The following MMS22L variants were observed in gnomAD, a reference collection of about 807,000 sequenced individuals.
MMS22L encodes MMS22 like, DNA repair protein.
In MMS22L, 74 loss-of-function variants were observed where a neutral mutation model predicts 159.1. The observed-to-expected ratio is 0.47, with a 90% CI of 0.39 to 0.56. The LOEUF is 0.56. MMS22L is among the 20% of genes least tolerant of loss of function. MMS22L has a pLI of 0.00. For missense variants in MMS22L, 1,351 were observed against 1,422.1 expected (o/e 0.95, Z 0.80); for synonymous variants, 517 against 506.9 (o/e 1.02, Z -0.27).
chr6:97,165,597 C>A (rs1230388929), intron 20 of MMS22L, 140 bp from the exon 21 acceptor site: 2 of 714,578 alleles, frequency 2.8e-6, no homozygotes, highest in African/African-American at 1.8e-5. Context: ...ACGTAATCCA[C>A]AGATAATGTA....
At chr6:97,239,371 A>T (rs2128021738) in intron 11 of MMS22L, among the ~76,000 whole-genome samples, 1 of 152,342 alleles carries the variant, frequency 6.6e-6, no homozygotes. Context: ...GAGGCTTTTA[A>T]AAAGCAGGCA....
At chr6:97,177,319 C>T (rs1804227033) in intron 18 of MMS22L, among the ~76,000 whole-genome samples, 1 of 152,102 alleles carries the variant, frequency 6.6e-6, no homozygotes, top group Non-Finnish European at 1.5e-5. Context: ...CCAACTGGCA[C>T]TTAGCATATA....
At chr6:97,171,944 C>A (rs1204774967) in intron 19 of MMS22L, among the ~76,000 whole-genome samples, 4 of 152,152 alleles carry the variant, frequency 2.6e-5, no homozygotes, top group African/African-American at 9.7e-5. Context: ...ATATACTCTT[C>A]CTAGTCTTTG....
At chr6:97,165,212 G>C (rs559116031) in intron 21 of MMS22L, 34 bp downstream of exon 21, 2 of 1,572,758 alleles carry the variant, frequency 1.3e-6, no homozygotes, top group African/African-American at 2.7e-5. Context: ...TTAATAATTT[G>C]TACATACCAC....
chr6:97,228,483 G>C (rs919793872), intron 14 of MMS22L, among the ~76,000 whole-genome samples: 1 of 152,198 alleles, frequency 6.6e-6, no homozygotes, highest in Non-Finnish European at 1.5e-5. Flanking sequence ...CTGGCCTCAT[G>C]GGATGGGTTG....
rs1055434812 is a variant in MMS22L at position 97,168,019 on chromosome 6, C to T, written c.3009+52G>A. 2.1e-6 allele frequency: 3 copies of T among 1,435,652 alleles called. No individual in the cohort carries two copies. The African/African-American group carries it at 4.4e-5, about 21-fold the overall frequency. 88.9% of individuals were successfully genotyped at this position (1,435,652 alleles called of 1,614,324 possible). ...CATTTAGTAAACTATGTTTTTAAGG[C>T]AAAGTTTCAATATTTTTTTTTTAAA... On this transcript the variant is annotated intron_variant, in intron 20 of 24. Coordinates refer to ENST00000683635, the MANE Select transcript of MMS22L (RefSeq NM_001350599.2).
At chr6:97,200,716 C>T (rs576030828) in intron 14 of MMS22L, among the ~76,000 whole-genome samples, 29 of 152,082 alleles carry the variant, frequency 1.9e-4, no homozygotes, top group Admixed American at 1.8e-3. Flanking sequence ...AAAAAGATCA[C>T]CGATTCAGTA....
chr6:97,186,645 C>G lies in MMS22L; in HGVS notation c.2085G>C (p.Val695=), dbSNP rs760524272. The G allele has an allele frequency of 1.9e-6, 3 of 1,587,362 alleles. No individual in the cohort carries two copies. In the East Asian group the frequency reaches 6.9e-5, roughly 37 times the overall value. ...ATAATGAAGACTGTACAAATAGGTC[C>G]ACATTGTCCCTTTGAAGTTCCTGAC... ...QLCQELQRDN[V]DLFVQSSLSA... Residue 695 remains valine (V), a synonymous_variant, in exon 15 of 25, where the codon GTG becomes GTC. Transcript: ENST00000683635.
chr6:97,195,400 A>G (rs1478442546), intron 14 of MMS22L, among the ~76,000 whole-genome samples: 1 of 152,254 alleles, frequency 6.6e-6, no homozygotes, highest in East Asian at 1.9e-4. Flanking sequence ...AAGCCAGAAA[A>G]GCAGAAGTGT....
rs541781632 is a variant in MMS22L, at chr6:97,226,325, T to C, written c.2039+2569A>G. On this transcript the variant is annotated intron_variant, in intron 14 of 24. Coordinates refer to ENST00000683635, the MANE Select transcript of MMS22L (RefSeq NM_001350599.2). ...GTTTTAAATATACGGCTGGGCACAG[T>C]GGCTCATGCCTGTAATCCCAGCATT... is the stretch of plus-strand genomic sequence containing the variant. Among the ~76,000 whole-genome samples, 91 of 152,340 alleles carry C rather than the reference T, an allele frequency of 6.0e-4. No individual in the cohort carries two copies. The South Asian group carries it at 7.9e-3, about 13-fold the overall frequency.
chr6:97,181,794 G>T, intron 16 of MMS22L, 110 bp downstream of exon 16: 1 of 1,079,364 alleles, frequency 9.3e-7, no homozygotes. Flanking sequence ...GACAAAGTGA[G>T]AGTATATGTA....
chr6:97,227,468 T>C (rs781568263), intron 14 of MMS22L, among the ~76,000 whole-genome samples: 7 of 152,138 alleles, frequency 4.6e-5, no homozygotes, highest in Non-Finnish European at 1.0e-4. Flanking sequence ...ATTGGAAACA[T>C]AAAAATTTCT....
intron 11 of MMS22L, chr6:97,245,924 T>C (rs1051540165): frequency 7.9e-6 from 2 of 253,720 alleles, no homozygotes; most frequent in Non-Finnish European, 1.6e-5. Flanking sequence ...ATATTTTTTA[T>C]TCCTCTTCAA....
chr6:97,263,057 G>A (rs929455826), intron 9 of MMS22L, among the ~76,000 whole-genome samples: 7 of 151,886 alleles, frequency 4.6e-5, no homozygotes, highest in African/African-American at 1.5e-4. Context: ...AAATACCTTA[G>A]TCTGAAAGAT....
At chr6:97,180,777 G>T (rs1804626285) in intron 16 of MMS22L, among the ~76,000 whole-genome samples, 1 of 152,092 alleles carries the variant, frequency 6.6e-6, no homozygotes, top group Non-Finnish European at 1.5e-5. Context: ...AACTGGAAGG[G>T]ATTGTAAAAG....
At chr6:97,274,857 A>G (rs1466110271) in intron 4 of MMS22L, among the ~76,000 whole-genome samples, 3 of 152,212 alleles carry the variant, frequency 2.0e-5, no homozygotes, top group Non-Finnish European at 4.4e-5. Flanking sequence ...AAGAGTACAC[A>G]AGCCAGGGAA....
chr6:97,174,020 C>G (rs944347788), intron 18 of MMS22L, among the ~76,000 whole-genome samples: 2 of 151,800 alleles, frequency 1.3e-5, no homozygotes, highest in Non-Finnish European at 2.9e-5. Flanking sequence ...TTTGGGAGGC[C>G]AAGGTGGGCA....
chr6:97,177,587 G>C (rs1396550132), intron 18 of MMS22L, among the ~76,000 whole-genome samples: 1 of 152,024 alleles, frequency 6.6e-6, no homozygotes, highest in Non-Finnish European at 1.5e-5. Context: ...CACACCACAG[G>C]CATTTAATTG....
At chr6:97,201,182 A>T (rs1213288232) in intron 14 of MMS22L, among the ~76,000 whole-genome samples, 1 of 152,194 alleles carries the variant, frequency 6.6e-6, no homozygotes, top group Non-Finnish European at 1.5e-5. Context: ...AAAGGTGGAC[A>T]CAGCCTACAT....
Sources: gnomAD v4.1 joint callset for allele counts (sites outside exome capture counted in the v4.1 genomes callset) on GRCh38, gnomAD v4.1.1 for gene constraint, MANE v1.5 for transcripts, NCBI Gene and HGNC (gene_info 2026-07-23, HGNC 2026-07-21) for gene names.